Variants in NSUN7 observed in about 807,000 individuals in gnomAD.
The protein encoded by NSUN7 is NOP2/Sun RNA methyltransferase family member 7.
NSUN7 carries 39 observed loss-of-function variants against 58.5 expected under a neutral mutation model. The observed-to-expected ratio is 0.67, with a 90% CI of 0.52 to 0.87. The LOEUF (loss-of-function observed/expected upper bound fraction) is 0.87. Ranked by LOEUF, NSUN7 falls within the 40% of genes least tolerant of loss-of-function variation. The pLI is 0.00. For missense variants in NSUN7, 765 were observed against 844.1 expected (o/e 0.91, Z 1.16); for synonymous variants, 278 against 303.7 (o/e 0.92, Z 0.88).
chr4:40,811,095 TTGATTATCTCCTAACA>T lies in NSUN7; in HGVS notation c.*2159_*2174del, dbSNP rs1054993973. Reference sequence around the variant, plus strand: ...AAGTCACAATTTGTTGCCACTTACATTGATTATCTCCTAACATGCATTTGGCACTAAATTATTTTTC... The same window carrying T: ...AAGTCACAATTTGTTGCCACTTACATTGCATTTGGCACTAAATTATTTTTC... On this transcript the variant is annotated 3_prime_UTR_variant, in exon 12 of 12. Transcript: ENST00000381782. The T allele has an allele frequency of 6.6e-6, 1 of 151,810 alleles. No homozygotes were observed. Among genetic ancestry groups the T allele is most frequent in the Non-Finnish European group, 1.5e-5 (1 of 68,034 alleles). The allele number at this position is 151,810 out of a possible 1,614,324, so 9.4% of individuals were successfully genotyped here.
intron 4 of NSUN7, among the ~76,000 whole-genome samples, chr4:40,764,705 A>T (rs1458107768): frequency 1.3e-5 from 2 of 152,182 alleles, no homozygotes; most frequent in Non-Finnish European, 2.9e-5. Flanking sequence ...AACAGTGTTA[A>T]AGTGTTCCTA....
chr4:40,755,278 A>T (rs1741085612), intron 2 of NSUN7, among the ~76,000 whole-genome samples: 1 of 152,234 alleles, frequency 6.6e-6, no homozygotes, highest in South Asian at 2.1e-4. Context: ...TTTAGTAGAG[A>T]CGGGGTTTCA....
At chr4:40,808,237 T>C (rs1743932421) in intron 11 of NSUN7, 70 bp from the exon 12 acceptor site, 1 of 1,481,222 alleles carries the variant, frequency 6.8e-7, no homozygotes, top group Middle Eastern at 2.1e-4. Context: ...TACTGATACA[T>C]TGATAAATAT....
chr4:40,795,367 T>C lies in NSUN7; in HGVS notation c.1282+891T>C, dbSNP rs149422653. 1.8e-3 allele frequency among the ~76,000 whole-genome samples: 278 copies of C among 152,318 alleles called. 3 individuals are homozygous for C. Among genetic ancestry groups the C allele is most frequent in the Non-Finnish European group, 1.3e-3 (88 of 68,026 alleles). ...AGAGGAGGCTTTTTCTTTTAGTTCA[T>C]ATTGCTAATAAATGTTCATTTGAAC... is the stretch of plus-strand genomic sequence containing the variant. On this transcript the variant is annotated intron_variant, in intron 9 of 11. Coordinates refer to ENST00000381782, the MANE Select transcript of NSUN7 (RefSeq NM_024677.6).
At position 40,809,707 on chromosome 4, in the gene NSUN7, A is replaced by C. The variant is rs552864771; in HGVS notation, c.*768A>C. On this transcript the variant is annotated 3_prime_UTR_variant, in exon 12 of 12. Transcript: ENST00000381782. ...AAACTGTTGAATGCAAGCGATACCT[A>C]TTGTTGAAGAAACCCACAAATTTCT... 6.8e-6 allele frequency: 1 copy of C among 146,608 alleles called. No homozygotes were observed. The highest frequency in any genetic ancestry group is 1.6e-5 in the Non-Finnish European group (1 of 64,420). The allele number at this position is 146,608 out of a possible 1,614,324, so 9.1% of individuals were successfully genotyped here.
chr4:40,761,262 C>A lies in NSUN7; in HGVS notation c.449C>A (p.Pro150His). The A allele has an allele frequency of 6.3e-7, 1 of 1,595,666 alleles. No individual in the cohort carries two copies. Among genetic ancestry groups the A allele is most frequent in the Non-Finnish European group, 8.5e-7 (1 of 1,174,768 alleles). The part of the protein sequence containing the change: ...QTRVLSDNEE[P>H]ISEVQEVENL... ...CGTGTCCTTTCTGATAATGAAGAGC[C>A]CATATCAGAAGTTCAAGAAGTAGAG... The change falls in exon 4 of 12, where the codon CCC (proline) becomes CAC (histidine). Residue 150 changes from proline (P) to histidine (H), a missense_variant. Physicochemically the swap from Pro to His is moderately conservative, Grantham distance 77. Transcript: ENST00000381782.
At chr4:40,806,999 T>C (rs778533246) in intron 10 of NSUN7, 62 bp from the exon 11 acceptor site, 26 of 1,518,474 alleles carry the variant, frequency 1.7e-5, no homozygotes, top group East Asian at 7.4e-5. Flanking sequence ...GTAATTTACT[T>C]TCTTCCTCTC....
intron 2 of NSUN7, among the ~76,000 whole-genome samples, chr4:40,751,819 C>T (rs111685495): frequency 7.7e-4 from 117 of 152,188 alleles, no homozygotes; most frequent in African/African-American, 2.6e-3. Context: ...ATAGTGAGAT[C>T]TCCTCTCTAC....
At chr4:40,778,184 G>A (rs1236346055) in intron 7 of NSUN7, among the ~76,000 whole-genome samples, 1 of 152,196 alleles carries the variant, frequency 6.6e-6, no homozygotes, top group East Asian at 1.9e-4. Flanking sequence ...ACACACATGA[G>A]ACTCAGTGAT....
intron 7 of NSUN7, among the ~76,000 whole-genome samples, chr4:40,780,606 C>CA (rs1742482335): frequency 7.5e-6 from 1 of 133,972 alleles, no homozygotes. Flanking sequence ...GACCCTGTCT[C>CA]AAAAAAAGAA....
chr4:40,769,682 TTTC>T (rs1159040785), intron 4 of NSUN7, among the ~76,000 whole-genome samples: 1 of 152,190 alleles, frequency 6.6e-6, no homozygotes, highest in African/African-American at 2.4e-5. Context: ...ATATATTCTT[TTTC>T]TTATCTTCCC....
At chr4:40,804,178 G>A (rs533576344) in intron 10 of NSUN7, among the ~76,000 whole-genome samples, 7 of 152,250 alleles carry the variant, frequency 4.6e-5, no homozygotes, top group Non-Finnish European at 7.4e-5. Context: ...GGTGGCTCAC[G>A]CCTGTAATCC....
chr4:40,776,425 A>G (rs1025201092), intron 7 of NSUN7, 166 bp downstream of exon 7: 196 of 490,130 alleles, frequency 4.0e-4, no homozygotes, highest in Non-Finnish European at 6.7e-4. Context: ...CTTGTTGCTT[A>G]ATTTGGTTAA....
intron 7 of NSUN7, among the ~76,000 whole-genome samples, chr4:40,783,846 TAAAA>T (rs1324132904): frequency 7.0e-6 from 1 of 142,410 alleles, no homozygotes; most frequent in African/African-American, 2.6e-5. Context: ...AGAATCCATT[TAAAA>T]AAAAAAAAAA....
rs780983739 is a variant in NSUN7 at position 40,775,761 on chromosome 4, TA to T, written c.826-287del. Among the ~76,000 whole-genome samples, 3 of 152,184 alleles carry T rather than the reference TA, an allele frequency of 2.0e-5. No homozygotes were observed. Among genetic ancestry groups the T allele is most frequent in the Non-Finnish European group, 2.9e-5 (2 of 68,018 alleles). ...GAAGGGGTAAGAATGGGAGTTAAGA[TA>T]GGACATCATTAATCTGTTGACCATA... is the stretch of plus-strand genomic sequence containing the variant. On this transcript the variant is annotated intron_variant, in intron 6 of 11. Transcript: ENST00000381782. The surrounding 1 kb of genome is among the most constrained non-coding windows in gnomAD (Gnocchi z 4.3).
intron 4 of NSUN7, among the ~76,000 whole-genome samples, chr4:40,764,712 C>G (rs537646176): frequency 6.6e-6 from 1 of 152,246 alleles, no homozygotes; most frequent in South Asian, 2.1e-4. Flanking sequence ...TTAAAGTGTT[C>G]CTATTTCTCC....
chr4:40,798,818 A>G lies in NSUN7; in HGVS notation c.1314A>G (p.Thr438=), dbSNP rs766205714. ...FTKAQAVVYC[T]CSVFPEENEA... is the part of the protein sequence containing the mutation. ...AAGCTCAAGCAGTTGTTTACTGCAC[A>G]TGTTCAGTTTTTCCAGAAGAAAATG... Residue 438 remains threonine, a synonymous_variant, in exon 10 of 12, where the codon ACA becomes ACG. Coordinates refer to ENST00000381782, the MANE Select transcript of NSUN7 (RefSeq NM_024677.6). 2 of 1,611,932 alleles carry G rather than the reference A, an allele frequency of 1.2e-6. No individual in the cohort carries two copies. The highest frequency in any genetic ancestry group is 1.7e-6 in the Non-Finnish European group (2 of 1,178,718).
In NSUN7 at chr4:40,790,633, C is replaced by T. The variant is rs138314434; in HGVS notation, c.1068C>T (p.Asn356=). ...NIEILHEKFI[N]IESKDHRLQK... ...AAATACTTCATGAGAAATTTATTAA[C>T]ATTGAATCAAAGGATCACAGGTTAC... The change falls in exon 8 of 12, where the codon AAC becomes AAT. Residue 356 remains asparagine (N), a synonymous_variant. Transcript: ENST00000381782. The T allele has an allele frequency of 4.0e-5, 63 of 1,580,300 alleles. No individual in the cohort carries two copies. Among genetic ancestry groups the T allele is most frequent in the Non-Finnish European group, 5.3e-5 (61 of 1,159,220 alleles).
chr4:40,773,874 C>G (rs1282897817), intron 4 of NSUN7, among the ~76,000 whole-genome samples: 1 of 152,092 alleles, frequency 6.6e-6, no homozygotes, highest in Non-Finnish European at 1.5e-5. Context: ...TCTCGGTTCA[C>G]TGCAACCTCC....
Sources: allele counts gnomAD v4.1 joint callset (sites outside exome capture counted in the v4.1 genomes callset), GRCh38; gene constraint gnomAD v4.1.1; non-coding constraint Gnocchi (gnomAD v3.1); transcripts MANE v1.5; gene names NCBI Gene and HGNC (gene_info 2026-07-23, HGNC 2026-07-21).